VPS13B: variants seen among roughly 807,000 people sequenced by gnomAD.
VPS13B encodes the protein vacuolar protein sorting 13 homolog B, also known as intermembrane lipid transfer protein VPS13B.
In VPS13B, 285 loss-of-function variants were observed where a neutral mutation model predicts 426.4. The ratio of observed to expected loss-of-function variants is 0.67; its 90% confidence interval spans 0.61 to 0.74. VPS13B has a LOEUF of 0.74. Among genes scored for constraint, VPS13B ranks in the 30% least tolerant of loss-of-function variants. The pLI is 0.00. For missense variants in VPS13B, 4,537 were observed against 4,782.6 expected (o/e 0.95, Z 1.51); for synonymous variants, 1,676 against 1,676.4 (o/e 1.00, Z 0.01).
chr8:99,067,105 A>G (rs1346729522), intron 3 of VPS13B, among the ~76,000 whole-genome samples: 3 of 152,184 alleles, frequency 2.0e-5, no homozygotes, highest in East Asian at 3.8e-4. Flanking sequence ...AGGATCTAGA[A>G]CTGGAAATAC....
At position 99,827,700 on chromosome 8, in the gene VPS13B, A is replaced by C. The variant is rs115669186; in HGVS notation, c.9330+3722A>C. Among the ~76,000 whole-genome samples the C allele has an allele frequency of 6.7e-3, 1,022 of 152,020 alleles. 12 individuals carry two copies. Among genetic ancestry groups the C allele is most frequent in the African/African-American group, 0.024 (982 of 41,456 alleles). On this transcript the variant is annotated intron_variant, in intron 51 of 61. Transcript: ENST00000357162. The stretch of plus-strand genomic sequence containing the variant: ...AGGGTGTCAATTTTAGGTCTTTTCC[A>C]CTTTTTCCTGTGGGCATTTGGTGCT...
At chr8:99,393,240 A>G (rs1256753301) in intron 21 of VPS13B, among the ~76,000 whole-genome samples, 21 of 152,142 alleles carry the variant, frequency 1.4e-4, no homozygotes, top group Admixed American at 1.3e-3. Context: ...GCATCTGTAT[A>G]TGCGTGGAAA....
chr8:99,633,048 G>A (rs1192483955), intron 33 of VPS13B, among the ~76,000 whole-genome samples: 2 of 151,956 alleles, frequency 1.3e-5, no homozygotes, highest in African/African-American at 4.8e-5. Context: ...GAAGTTAATT[G>A]CTTGACCATT....
At chr8:99,396,093 A>C (rs1171923434) in intron 21 of VPS13B, among the ~76,000 whole-genome samples, 1 of 152,164 alleles carries the variant, frequency 6.6e-6, no homozygotes, top group Admixed American at 6.5e-5. Flanking sequence ...AGCCTTATCG[A>C]ACCGTGGGAT....
chr8:99,272,354 G>A (rs1818647194), intron 17 of VPS13B, among the ~76,000 whole-genome samples: 1 of 151,892 alleles, frequency 6.6e-6, no homozygotes. Context: ...TTGTCCTCTG[G>A]GCAAAAATTA....
rs763509121 is a variant in VPS13B, at chr8:99,744,929, C to A, written c.7051-21845C>A. Among the ~76,000 whole-genome samples the A allele has an allele frequency of 5.9e-5, 9 of 151,878 alleles. No individual in the cohort carries two copies. The East Asian group carries it at 1.7e-3, about 29-fold the overall frequency. Reference sequence around the variant, plus strand: ...GGCACATGTATACATATGTAACTAACCTGCACAATGTGCACATGTACCCTA... The same window carrying A: ...GGCACATGTATACATATGTAACTAAACTGCACAATGTGCACATGTACCCTA... On this transcript the variant is annotated intron_variant, in intron 39 of 61. Coordinates refer to ENST00000357162, the MANE Select transcript of VPS13B (RefSeq NM_152564.5).
chr8:99,784,313 A>C lies in VPS13B; in HGVS notation c.7780-2A>C, dbSNP rs1378196300. The C allele has an allele frequency of 6.2e-7, 1 of 1,613,492 alleles. No homozygotes were observed. The highest frequency in any genetic ancestry group is 1.3e-5 in the African/African-American group (1 of 74,880). On this transcript the variant is annotated splice_acceptor_variant, in intron 42 of 61. Transcript: ENST00000357162. LOFTEE classifies it high-confidence loss of function. ...TTGGCTTTCGTATCCTTTTTCTTTC[A>C]GAACAAATGCCCTGAGGTAGAGGAG...
chr8:99,235,175 A>C (rs918391622), intron 17 of VPS13B, among the ~76,000 whole-genome samples: 5 of 152,186 alleles, frequency 3.3e-5, no homozygotes, highest in African/African-American at 1.2e-4. Context: ...TCTTGCTCCC[A>C]CATCTATTTC....
At chr8:99,833,883 G>A (rs185257927) in intron 52 of VPS13B, among the ~76,000 whole-genome samples, 305 of 152,246 alleles carry the variant, frequency 2.0e-3, no homozygotes, top group Non-Finnish European at 3.5e-3. Context: ...AGTTTGGCTC[G>A]CCTAGCTGTT....
At chr8:99,267,882 C>T (rs923982135) in intron 17 of VPS13B, among the ~76,000 whole-genome samples, 1 of 152,024 alleles carries the variant, frequency 6.6e-6, no homozygotes, top group Non-Finnish European at 1.5e-5. Flanking sequence ...CATGAGAGTC[C>T]TTCCCATCAC....
At chr8:99,253,107 G>A (rs917944693) in intron 17 of VPS13B, among the ~76,000 whole-genome samples, 1 of 151,464 alleles carries the variant, frequency 6.6e-6, no homozygotes, top group Admixed American at 6.6e-5. Flanking sequence ...TTTTGTATCT[G>A]GTTTATTTCA....
At chr8:99,417,617 G>A (rs1322237919) in intron 21 of VPS13B, among the ~76,000 whole-genome samples, 1 of 152,072 alleles carries the variant, frequency 6.6e-6, no homozygotes, top group Admixed American at 6.6e-5. Context: ...GGTCTCAGTG[G>A]ATTAATTTGG....
intron 17 of VPS13B, among the ~76,000 whole-genome samples, chr8:99,224,614 TTTAAA>T (rs1170041502): frequency 8.5e-5 from 13 of 152,190 alleles, no homozygotes; most frequent in South Asian, 2.1e-4. Flanking sequence ...TTTACTCACT[TTTAAA>T]TTAAAGCATA....
In VPS13B at chr8:99,854,117, T is replaced by C; in HGVS notation, c.10728T>C (p.Ala3576=). 1 of 1,613,156 alleles carries C rather than the reference T, an allele frequency of 6.2e-7. No homozygotes were observed. The highest frequency in any genetic ancestry group is 8.5e-7 in the Non-Finnish European group (1 of 1,179,384). The change falls in exon 56 of 62, where the codon GCT becomes GCC. Residue 3576 remains alanine, a synonymous_variant. Transcript: ENST00000357162. ...QPVNLLVSIH[A]SLKLYIASDH... ...TAAATTTGCTCGTCAGCATCCACGC[T>C]TCCCTCAAGCTGTACATAGCCTCAG...
chr8:99,417,557 T>G (rs1441984949), intron 21 of VPS13B, among the ~76,000 whole-genome samples: 1 of 152,178 alleles, frequency 6.6e-6, no homozygotes, highest in Non-Finnish European at 1.5e-5. Flanking sequence ...TTTTTGTTGT[T>G]GTCTATGTGA....
At chr8:99,661,616 G>A in intron 35 of VPS13B, 125 bp downstream of exon 35, 2 of 1,220,876 alleles carry the variant, frequency 1.6e-6, no homozygotes, top group Non-Finnish European at 1.1e-6. Context: ...TTTCCCAGAG[G>A]TGTATGCTTT....
chr8:99,706,252 G>C (rs1832492772), intron 36 of VPS13B, among the ~76,000 whole-genome samples: 1 of 152,128 alleles, frequency 6.6e-6, no homozygotes, highest in South Asian at 2.1e-4. Flanking sequence ...AGTGTTTGAA[G>C]TACTTGAAGA....
intron 34 of VPS13B, among the ~76,000 whole-genome samples, chr8:99,656,810 C>G (rs1319772906): frequency 1.3e-5 from 2 of 152,186 alleles, no homozygotes; most frequent in Non-Finnish European, 2.9e-5. Flanking sequence ...CAAAGGCATA[C>G]TTACCTCTAT....
At chr8:99,372,263 A>C (rs1813233194) in intron 19 of VPS13B, among the ~76,000 whole-genome samples, 3 of 151,754 alleles carry the variant, frequency 2.0e-5, no homozygotes, top group Non-Finnish European at 2.9e-5. Flanking sequence ...AAAAAAAAAA[A>C]AACAAAAAAC....
Sources: allele counts gnomAD v4.1 joint callset (sites outside exome capture counted in the v4.1 genomes callset), GRCh38; gene constraint gnomAD v4.1.1; transcripts MANE v1.5; gene names NCBI Gene and HGNC (gene_info 2026-07-23, HGNC 2026-07-21).